BMP2K: variants seen among roughly 807,000 people sequenced by gnomAD.
BMP2K encodes the protein BMP2 inducible kinase.
BMP2K carries 74 observed loss-of-function variants against 116.0 expected under a neutral mutation model. The ratio of observed to expected loss-of-function variants is 0.64; its 90% CI spans 0.53 to 0.77. BMP2K has a LOEUF of 0.77. Among genes scored for constraint, BMP2K ranks in the 30% least tolerant of loss-of-function variants. The pLI is 0.00. For missense variants in BMP2K, 1,365 were observed against 1,403.6 expected (o/e 0.97, Z 0.44); for synonymous variants, 486 against 502.5 (o/e 0.97, Z 0.44).
At chr4:78,802,313 G>C (rs988609623) in intron 1 of BMP2K, among the ~76,000 whole-genome samples, 2 of 152,108 alleles carry the variant, frequency 1.3e-5, no homozygotes, top group Non-Finnish European at 2.9e-5. Context: ...CTTTCTTCTT[G>C]TTTTTGTCTC....
At chr4:78,820,010 T>C (rs1450106916) in intron 1 of BMP2K, among the ~76,000 whole-genome samples, 2 of 152,210 alleles carry the variant, frequency 1.3e-5, no homozygotes, top group Non-Finnish European at 2.9e-5. Flanking sequence ...ATTTTCTGGA[T>C]ATTCTTACTA....
intron 13 of BMP2K, 37 bp downstream of exon 13, chr4:78,872,835 G>T: frequency 6.4e-7 from 1 of 1,573,118 alleles, no homozygotes; most frequent in Non-Finnish European, 8.7e-7. Context: ...GGAAATTATT[G>T]TGGAAGTGGA....
rs567825485 is a variant in BMP2K at position 78,861,797 on chromosome 4, A to G, written c.1067+329A>G. ...TTAGGAAATACTATGTTTTGAGTTTATAGATGTTTATTTTTTTAATTTAAG... is the reference window on the plus strand; with the variant it reads ...TTAGGAAATACTATGTTTTGAGTTTGTAGATGTTTATTTTTTTAATTTAAG... On this transcript the variant is annotated intron_variant, in intron 9 of 15. Transcript: ENST00000502613. 1.2e-4 allele frequency among the ~76,000 whole-genome samples: 18 copies of G among 152,014 alleles called. No individual in the cohort carries two copies. In the South Asian group the frequency reaches 3.7e-3, roughly 31 times the overall value.
At chr4:78,862,918 T>C (rs1301194792) in intron 9 of BMP2K, among the ~76,000 whole-genome samples, 1 of 152,130 alleles carries the variant, frequency 6.6e-6, no homozygotes, top group Admixed American at 6.6e-5. Context: ...AGTTGAGTGT[T>C]AATTATGAAT....
At chr4:78,778,474 A>G (rs560701382) in intron 1 of BMP2K, among the ~76,000 whole-genome samples, 17 of 152,366 alleles carry the variant, frequency 1.1e-4, no homozygotes, top group Middle Eastern at 6.8e-3. Context: ...TGAAAAGTCA[A>G]TAATCAAATG....
At chr4:78,776,770 G>A in intron 1 of BMP2K, 49 bp downstream of exon 1, 2 of 1,227,366 alleles carry the variant, frequency 1.6e-6, no homozygotes, top group Non-Finnish European at 2.0e-6. Flanking sequence ...GAGGGTTGGG[G>A]TGTGGCGGCG....
chr4:78,854,069 T>C (rs1292992973), intron 7 of BMP2K, among the ~76,000 whole-genome samples: 1 of 151,870 alleles, frequency 6.6e-6, no homozygotes, highest in Non-Finnish European at 1.5e-5. Flanking sequence ...AATTATCATA[T>C]ATTCCAGAAT....
In BMP2K at chr4:78,912,850, GAAGA is replaced by G. The variant is rs1734730828; in HGVS notation, c.*820_*823del. 1 of 151,946 alleles carries G rather than the reference GAAGA, an allele frequency of 6.6e-6. No individual in the cohort carries two copies. 9.4% of individuals were successfully genotyped at this position (151,946 alleles called of 1,614,324 possible). A position where few individuals can be genotyped will look rare whatever the true frequency, so the allele number is the denominator to read the frequency against. On this transcript the variant is annotated 3_prime_UTR_variant, in exon 16 of 16. Transcript: ENST00000502613. Reference sequence around the variant, plus strand: ...TCTGACATTTGTAAAGAAATTATAAGAAGAAAAAAAGATACAGAACAGAAAACAT... The same window carrying G: ...TCTGACATTTGTAAAGAAATTATAAGAAAAAAGATACAGAACAGAAAACAT...
intron 13 of BMP2K, among the ~76,000 whole-genome samples, chr4:78,874,055 G>A (rs564193441): frequency 4.3e-4 from 66 of 152,026 alleles, no homozygotes; most frequent in Non-Finnish European, 8.5e-4. Flanking sequence ...GTGCGCGCCT[G>A]TAATCCCAGC....
intron 10 of BMP2K, among the ~76,000 whole-genome samples, chr4:78,868,186 A>G (rs1413429156): frequency 2.6e-5 from 4 of 152,160 alleles, no homozygotes; most frequent in Admixed American, 1.3e-4. Flanking sequence ...TTGGACTTGC[A>G]TTTCCACACG....
At chr4:78,828,990 C>T (rs111587514) in intron 2 of BMP2K, among the ~76,000 whole-genome samples, 15,591 of 152,060 alleles carry the variant, frequency 0.1, 2,698 homozygotes, top group African/African-American at 0.36. Context: ...CAGACCTTGG[C>T]GATGACCTTG....
At chr4:78,840,376 A>G (rs776853829) in intron 3 of BMP2K, among the ~76,000 whole-genome samples, 4 of 152,154 alleles carry the variant, frequency 2.6e-5, no homozygotes, top group Non-Finnish European at 5.9e-5. Context: ...GAGGGTAGCC[A>G]TTGCCGGCTC....
At chr4:78,796,505 G>A (rs111313005) in intron 1 of BMP2K, among the ~76,000 whole-genome samples, 3,827 of 152,088 alleles carry the variant, frequency 0.025, 134 homozygotes, top group African/African-American at 0.082. Flanking sequence ...CCTGCACAAT[G>A]TGCACATGTA....
chr4:78,820,744 G>A (rs1411497527), intron 1 of BMP2K: 1 of 152,190 alleles, frequency 6.6e-6, no homozygotes, highest in Non-Finnish European at 1.5e-5. Context: ...GTTAATTTTT[G>A]TATTTTTAGT....
chr4:78,825,220 A>G (rs1729813379), intron 1 of BMP2K, among the ~76,000 whole-genome samples: 1 of 152,154 alleles, frequency 6.6e-6, no homozygotes, highest in South Asian at 2.1e-4. Context: ...CAAAAACAAA[A>G]AAACCCAAAA....
chr4:78,806,162 A>G (rs946791093), intron 1 of BMP2K, among the ~76,000 whole-genome samples: 1 of 151,474 alleles, frequency 6.6e-6, no homozygotes, highest in Admixed American at 6.6e-5. Context: ...GTATTCTTAT[A>G]GGTTTTCCTA....
rs1424132051 is a variant in BMP2K, at chr4:78,833,780, A to C, written c.403+93A>C. On this transcript the variant is annotated intron_variant, in intron 3 of 15. Transcript: ENST00000502613. The stretch of plus-strand genomic sequence containing the variant: ...GTTATTTCCAGGGTAGCTGCTAACT[A>C]ATTCTAGTCACTTATTGTAATCTTA... The C allele has an allele frequency of 1.4e-5, 11 of 765,864 alleles. 1 individual carries two copies. In the Admixed American group the frequency reaches 1.8e-4, roughly 13 times the overall value. The allele number at this position is 765,864 out of a possible 1,614,324, so 47.4% of individuals were successfully genotyped here. A position where few individuals can be genotyped will look rare whatever the true frequency, so the allele number is the denominator to read the frequency against.
At chr4:78,830,447 A>G (rs899144897) in intron 2 of BMP2K, among the ~76,000 whole-genome samples, 1 of 152,210 alleles carries the variant, frequency 6.6e-6, no homozygotes, top group African/African-American at 2.4e-5. Context: ...GTTTCAACTT[A>G]AAGTCACCAG....
intron 1 of BMP2K, among the ~76,000 whole-genome samples, chr4:78,806,049 T>G (rs1035388142): frequency 4.6e-5 from 7 of 152,076 alleles, no homozygotes; most frequent in African/African-American, 1.7e-4. Flanking sequence ...CCTCTAGAGA[T>G]CCTGAGAACA....
Sources: gnomAD v4.1 joint callset for allele counts (sites outside exome capture counted in the v4.1 genomes callset) on GRCh38, gnomAD v4.1.1 for gene constraint, MANE v1.5 for transcripts, NCBI Gene and HGNC (gene_info 2026-07-23, HGNC 2026-07-21) for gene names.